The following PDILT variants were observed in gnomAD, a reference collection of about 807,000 sequenced individuals.
PDILT encodes the protein protein disulfide isomerase like, testis expressed.
Under a neutral mutation model 53.7 loss-of-function variants are expected in PDILT, and 43 were observed. The ratio of observed to expected loss-of-function variants is 0.80; its 90% CI spans 0.63 to 1.03. The LOEUF is 1.03. Among genes scored for constraint, PDILT ranks in the 50% least tolerant of loss-of-function variants. The pLI, the probability that PDILT is intolerant of heterozygous loss-of-function variation, is 0.00. For synonymous variants in PDILT, 282 were observed against 274.2 expected (o/e 1.03, Z -0.28); for missense variants, 727 against 712.3 (o/e 1.02, Z -0.24).
At position 20,359,175 on chromosome 16, in the gene PDILT, G is replaced by A; in HGVS notation, c.*144C>T. On this transcript the variant is annotated 3_prime_UTR_variant, in exon 12 of 12. Coordinates refer to ENST00000302451, the MANE Select transcript of PDILT (RefSeq NM_174924.2). ...AGGTCATGAGTAAAACAGAGCCAAG[G>A]ACACTCAGAGGCTTTATTATCCACC... is the stretch of plus-strand genomic sequence containing the variant. The A allele has an allele frequency of 7.5e-7, 1 of 1,329,906 alleles. No homozygotes were observed. The highest frequency in any genetic ancestry group is 2.3e-5 in the East Asian group (1 of 43,176). The allele number at this position is 1,329,906 out of a possible 1,614,324, so 82.4% of individuals were successfully genotyped here.
chr16:20,360,675 C>T lies in PDILT; in HGVS notation c.1417-18G>A, dbSNP rs367903140. 6.3e-5 allele frequency: 99 copies of T among 1,576,980 alleles called. No individual in the cohort carries two copies. The highest frequency in any genetic ancestry group is 8.5e-5 in the Non-Finnish European group (98 of 1,146,382). On this transcript the variant is annotated intron_variant, in intron 10 of 11. Transcript: ENST00000302451. ...AGGACAGCCTAGGATGAAAATGGAA[C>T]AGGGTCAGGATGGGATCCTCTTCCC...
intron 2 of PDILT, among the ~76,000 whole-genome samples, chr16:20,391,752 C>T (rs562323545): frequency 2.6e-5 from 4 of 151,752 alleles, no homozygotes; most frequent in East Asian, 1.9e-4. Flanking sequence ...TACCATATAG[C>T]GAATGCTGAG....
intron 2 of PDILT, among the ~76,000 whole-genome samples, chr16:20,386,652 C>T (rs1363646728): frequency 6.6e-6 from 1 of 152,226 alleles, no homozygotes; most frequent in African/African-American, 2.4e-5. Context: ...CTTTGTGCCT[C>T]CCTCCTGGAT....
intron 1 of PDILT, among the ~76,000 whole-genome samples, chr16:20,403,222 CCTCTG>C (rs1966766556): frequency 6.6e-6 from 1 of 152,176 alleles, no homozygotes. Context: ...ACTGATCCTG[CCTCTG>C]CTTCTACTCT....
chr16:20,362,714 A>C, intron 9 of PDILT, 132 bp from the exon 10 acceptor site: 1 of 676,694 alleles, frequency 1.5e-6, no homozygotes, highest in South Asian at 2.0e-5. Context: ...TCCTTCTTTT[A>C]ATCATATATT....
intron 2 of PDILT, among the ~76,000 whole-genome samples, chr16:20,390,264 A>G (rs1403349101): frequency 6.6e-6 from 1 of 152,040 alleles, no homozygotes; most frequent in African/African-American, 2.4e-5. Context: ...TTTTTAAAAG[A>G]TCTGTACCTC....
chr16:20,387,530 T>C (rs1966555522), intron 2 of PDILT, among the ~76,000 whole-genome samples: 2 of 152,188 alleles, frequency 1.3e-5, no homozygotes, highest in African/African-American at 4.8e-5. Context: ...AGCCACTGAA[T>C]AGACTTTGAC....
intron 5 of PDILT, 140 bp downstream of exon 5, chr16:20,374,682 A>G: frequency 1.1e-6 from 1 of 919,074 alleles, no homozygotes; most frequent in Non-Finnish European, 1.6e-6. Context: ...CAACACTGGG[A>G]GACTGTGACT....
At chr16:20,404,031 T>G (rs1966781874) in intron 1 of PDILT, among the ~76,000 whole-genome samples, 1 of 152,246 alleles carries the variant, frequency 6.6e-6, no homozygotes, top group African/African-American at 2.4e-5. Context: ...TTTGTATTAT[T>G]ATTTATGAGT....
intron 8 of PDILT, among the ~76,000 whole-genome samples, chr16:20,367,134 G>C (rs562393690): frequency 7.6e-6 from 1 of 130,744 alleles, no homozygotes; most frequent in Non-Finnish European, 1.6e-5. Context: ...ACAGAGTCTC[G>C]CTCTGTCACC....
At chr16:20,384,397 T>G (rs1355710030) in intron 3 of PDILT, among the ~76,000 whole-genome samples, 2 of 152,138 alleles carry the variant, frequency 1.3e-5, no homozygotes, top group Non-Finnish European at 2.9e-5. Context: ...GAAGTGATAC[T>G]TACCACTGTT....
At chr16:20,377,542 T>C (rs1280027608) in intron 3 of PDILT, among the ~76,000 whole-genome samples, 1 of 152,212 alleles carries the variant, frequency 6.6e-6, no homozygotes, top group African/African-American at 2.4e-5. Flanking sequence ...AAGGGCATCA[T>C]TACACCCAAA....
intron 3 of PDILT, among the ~76,000 whole-genome samples, chr16:20,377,112 C>T (rs1390792689): frequency 2.0e-5 from 3 of 152,062 alleles, no homozygotes; most frequent in Non-Finnish European, 2.9e-5. Flanking sequence ...TAGCGAGACA[C>T]TCAGCTCTAC....
Position 20,374,805 on chromosome 16 carries a change from T to C in PDILT, c.681+17A>G. Reference sequence around the variant, plus strand: ...TGAACCAGAGACCTCTCACTAGCAATAGGATCAAAATCCTACCTTTTTGAA... The same window carrying C: ...TGAACCAGAGACCTCTCACTAGCAACAGGATCAAAATCCTACCTTTTTGAA... On this transcript the variant is annotated intron_variant, in intron 5 of 11. Transcript: ENST00000302451. 1 of 1,603,952 alleles carries C rather than the reference T, an allele frequency of 6.2e-7. No homozygotes were observed. Among genetic ancestry groups the C allele is most frequent in the Non-Finnish European group, 8.5e-7 (1 of 1,175,688 alleles).
intron 3 of PDILT, 73 bp from the exon 4 acceptor site, chr16:20,376,274 C>A: frequency 1.3e-6 from 2 of 1,571,500 alleles, no homozygotes; most frequent in South Asian, 2.3e-5. Flanking sequence ...TGGTCTTTCT[C>A]AAGTTTAATG....
At chr16:20,383,435 C>T (rs937353853) in intron 3 of PDILT, among the ~76,000 whole-genome samples, 2 of 151,232 alleles carry the variant, frequency 1.3e-5, no homozygotes, top group Non-Finnish European at 3.0e-5. Context: ...TCTCTCACTG[C>T]TCCCGCCCTC....
chr16:20,381,462 C>T (rs1966460070), intron 3 of PDILT, among the ~76,000 whole-genome samples: 1 of 151,816 alleles, frequency 6.6e-6, no homozygotes, highest in East Asian at 1.9e-4. Context: ...TGGTGAAACC[C>T]CATCTCTACT....
rs886806578 is a variant in PDILT at position 20,381,346 on chromosome 16, G to A, written c.409+3299C>T. Among the ~76,000 whole-genome samples the A allele has an allele frequency of 8.5e-5, 13 of 152,278 alleles. No individual in the cohort carries two copies. In the South Asian group the frequency reaches 2.7e-3, roughly 32 times the overall value. On this transcript the variant is annotated intron_variant, in intron 3 of 11. Coordinates refer to ENST00000302451, the MANE Select transcript of PDILT (RefSeq NM_174924.2). ...GCCTTACTCATCCTGTTTAGAAAATGAGAAATTGGGCCGGGTGCGGTGGCT... is the reference window on the plus strand; with the variant it reads ...GCCTTACTCATCCTGTTTAGAAAATAAGAAATTGGGCCGGGTGCGGTGGCT...
At chr16:20,376,555 T>A (rs183973191) in intron 3 of PDILT, among the ~76,000 whole-genome samples, 2 of 152,290 alleles carry the variant, frequency 1.3e-5, no homozygotes, top group East Asian at 3.9e-4. Context: ...AACCTGAAGA[T>A]CAAATTTAGG....
Sources: gnomAD v4.1 joint callset for allele counts (sites outside exome capture counted in the v4.1 genomes callset) on GRCh38, gnomAD v4.1.1 for gene constraint, MANE v1.5 for transcripts, NCBI Gene and HGNC (gene_info 2026-07-23, HGNC 2026-07-21) for gene names.